Variants in FYB1 observed in about 807,000 individuals in gnomAD.
The protein encoded by FYB1 is FYN binding protein 1, also known as FYN-binding protein 1.
In FYB1, 41 loss-of-function variants were observed where a neutral mutation model predicts 94.1. The ratio of observed to expected loss-of-function variants is 0.44; its 90% CI spans 0.34 to 0.57. The LOEUF is 0.57. Ranked by LOEUF, FYB1 falls within the 20% of genes least tolerant of loss-of-function variation. FYB1 has a pLI of 0.02. For synonymous variants in FYB1, 367 were observed against 353.2 expected, an observed-to-expected ratio of 1.04 and a Z score of -0.44; for missense variants, 1,050 against 976.8, an observed-to-expected ratio of 1.07 and a Z score of -1.00.
chr5:39,153,350 A>T, intron 3 of FYB1, 98 bp downstream of exon 3: 1 of 1,472,144 alleles, frequency 6.8e-7, no homozygotes, highest in Non-Finnish European at 9.5e-7. Flanking sequence ...TTGTAGACCC[A>T]GAAGTTTCCC....
intron 1 of FYB1, among the ~76,000 whole-genome samples, chr5:39,242,310 C>G (rs1283038082): frequency 7.0e-6 from 1 of 143,468 alleles, no homozygotes; most frequent in Non-Finnish European, 1.5e-5. Flanking sequence ...CCACGACAGG[C>G]CCCAGTGTGT....
At chr5:39,140,965 A>G in intron 4 of FYB1, 130 bp downstream of exon 4, 2 of 656,368 alleles carry the variant, frequency 3.0e-6, no homozygotes. Flanking sequence ...GAATAAACAA[A>G]TAAAACGAGA....
At chr5:39,205,898 T>C (rs1223096974) in intron 1 of FYB1, among the ~76,000 whole-genome samples, 2 of 152,184 alleles carry the variant, frequency 1.3e-5, no homozygotes, top group African/African-American at 4.8e-5. Context: ...TGTTTTAAAA[T>C]AAGGATTAAA....
chr5:39,147,972 G>A (rs923331136), intron 3 of FYB1, among the ~76,000 whole-genome samples: 4 of 149,400 alleles, frequency 2.7e-5, no homozygotes, highest in South Asian at 2.1e-4. Context: ...GAGCCACCGC[G>A]CCCGGCAAGT....
chr5:39,270,409 G>A (rs1381627750), intron 1 of FYB1, among the ~76,000 whole-genome samples: 1 of 152,206 alleles, frequency 6.6e-6, no homozygotes, highest in Non-Finnish European at 1.5e-5. Flanking sequence ...GCATGAACAA[G>A]ACTCAGCAGC....
Position 39,203,957 on chromosome 5 carries a change from C to G in FYB1, c.-27-970G>C, listed in dbSNP as rs77133781. 4.2e-3 allele frequency among the ~76,000 whole-genome samples: 640 copies of G among 152,196 alleles called. 6 individuals are homozygous for G. The highest frequency in any genetic ancestry group is 0.015 in the African/African-American group (606 of 41,518). ...AAGCAAGGAGTTTAAATTTTTAGTT[C>G]TTTTAGAAATATTTCAAAATTGGAG... On this transcript the variant is annotated intron_variant, in intron 1 of 18. Transcript: ENST00000512982.
chr5:39,130,198 A>G (rs962247351), intron 10 of FYB1, among the ~76,000 whole-genome samples: 1 of 152,126 alleles, frequency 6.6e-6, no homozygotes, highest in Admixed American at 6.6e-5. Flanking sequence ...TGGGAGCTAA[A>G]AAAGTTTGTT....
intron 2 of FYB1, among the ~76,000 whole-genome samples, chr5:39,175,121 G>A (rs1745605811): frequency 6.6e-6 from 1 of 152,188 alleles, no homozygotes; most frequent in Non-Finnish European, 1.5e-5. Flanking sequence ...TGATAGTCAA[G>A]TCTCTAAGCT....
In FYB1 at chr5:39,138,640, A is replaced by G. The variant is rs1396820747; in HGVS notation, c.1394+17T>C. The G allele has an allele frequency of 6.7e-7, 1 of 1,496,278 alleles. No individual in the cohort carries two copies. Among genetic ancestry groups the G allele is most frequent in the East Asian group, 2.3e-5 (1 of 43,868 alleles). 92.7% of individuals were successfully genotyped at this position (1,496,278 alleles called of 1,614,324 possible). On this transcript the variant is annotated intron_variant, in intron 6 of 18. Coordinates refer to ENST00000512982, the MANE Select transcript of FYB1 (RefSeq NM_001465.6). ...ATCTTTGAAGAAAACTGTCATGGTA[A>G]AAAATGTAATTCATACATGTCTTCA...
intron 1 of FYB1, among the ~76,000 whole-genome samples, chr5:39,255,430 GT>G (rs113241046): frequency 5.7e-4 from 82 of 142,840 alleles, no homozygotes; most frequent in South Asian, 8.8e-4. Context: ...CCATTCACCT[GT>G]TTTTTTTTTT....
chr5:39,186,828 G>A (rs1235124112), intron 2 of FYB1, among the ~76,000 whole-genome samples: 5 of 151,754 alleles, frequency 3.3e-5, no homozygotes, highest in Admixed American at 2.0e-4. Flanking sequence ...ACTGTGCTAC[G>A]TGTTTTTACT....
intron 16 of FYB1, 35 bp downstream of exon 16, chr5:39,118,839 T>C: frequency 3.0e-6 from 4 of 1,312,244 alleles, no homozygotes; most frequent in Non-Finnish European, 4.0e-6. Context: ...GAGTGACATA[T>C]ATATGCACAT....
intron 1 of FYB1, among the ~76,000 whole-genome samples, chr5:39,235,263 T>C (rs747177693): frequency 6.9e-6 from 1 of 145,774 alleles, no homozygotes; most frequent in Non-Finnish European, 1.5e-5. Context: ...CTACAGATAA[T>C]ACCCCAAGGA....
chr5:39,188,703 T>C (rs1747082375), intron 2 of FYB1, among the ~76,000 whole-genome samples: 1 of 152,114 alleles, frequency 6.6e-6, no homozygotes, highest in South Asian at 2.1e-4. Flanking sequence ...GGCTAATTTT[T>C]TGTACTTTTA....
At chr5:39,260,691 T>A (rs1241271237) in intron 1 of FYB1, among the ~76,000 whole-genome samples, 2 of 152,176 alleles carry the variant, frequency 1.3e-5, no homozygotes, top group Non-Finnish European at 2.9e-5. Context: ...ATATTTATAG[T>A]CAGCTCAACT....
chr5:39,185,630 A>C (rs1300437616), intron 2 of FYB1, among the ~76,000 whole-genome samples: 1 of 143,542 alleles, frequency 7.0e-6, no homozygotes, highest in African/African-American at 2.6e-5. Flanking sequence ...ATACACACAT[A>C]TATATATATA....
chr5:39,114,251 G>C (rs902679847), intron 16 of FYB1, among the ~76,000 whole-genome samples: 2 of 152,100 alleles, frequency 1.3e-5, no homozygotes, highest in Non-Finnish European at 2.9e-5. Context: ...ATGAGACATA[G>C]AGTTGTGGAA....
rs3749740 is a variant in FYB1 at position 39,201,797 on chromosome 5, A to G, written c.1135+29T>C. 53,040 of 1,582,754 alleles carry G rather than the reference A, an allele frequency of 0.034. 1,382 individuals are homozygous for G. The highest frequency in any genetic ancestry group is 0.12 in the East Asian group (5,440 of 44,630). ...CATTCTCTGCCTTGGAGTAAACCAT[A>G]CTGAATAGCAAACGAGAAAAGAACT... is the stretch of plus-strand genomic sequence containing the variant. On this transcript the variant is annotated intron_variant, in intron 2 of 18. Coordinates refer to ENST00000512982, the MANE Select transcript of FYB1 (RefSeq NM_001465.6).
At chr5:39,229,376 A>C (rs1381171633) in intron 1 of FYB1, among the ~76,000 whole-genome samples, 5 of 152,186 alleles carry the variant, frequency 3.3e-5, no homozygotes, top group Admixed American at 1.3e-4. Flanking sequence ...ATAAAAGAAG[A>C]AACCAGGGGA....
Sources: allele counts gnomAD v4.1 joint callset (sites outside exome capture counted in the v4.1 genomes callset), GRCh38; gene constraint gnomAD v4.1.1; transcripts MANE v1.5; gene names NCBI Gene and HGNC (gene_info 2026-07-23, HGNC 2026-07-21).